The following CADPS2 variants were observed in gnomAD, a reference collection of about 807,000 sequenced individuals.
CADPS2 encodes calcium-dependent secretion activator 2.
CADPS2 carries 93 observed loss-of-function variants against 172.5 expected under a neutral mutation model. That is an observed-to-expected ratio of 0.54 (90% CI 0.46 to 0.64). The LOEUF (loss-of-function observed/expected upper bound fraction) is 0.64. Among genes scored for constraint, CADPS2 ranks in the 30% least tolerant of loss-of-function variants. The pLI is 0.00. For synonymous variants in CADPS2, 546 were observed against 555.2 expected (o/e 0.98, Z 0.23); for missense variants, 1,420 against 1,565.9 (o/e 0.91, Z 1.57).
At chr7:122,857,667 T>C (rs1480037533) in intron 1 of CADPS2, among the ~76,000 whole-genome samples, 1 of 152,206 alleles carries the variant, frequency 6.6e-6, no homozygotes, top group East Asian at 1.9e-4. Flanking sequence ...GCTCCCTTTA[T>C]AAAGCCGCTG....
intron 1 of CADPS2, among the ~76,000 whole-genome samples, chr7:122,782,511 T>C (rs1259969170): frequency 6.6e-6 from 1 of 152,170 alleles, no homozygotes; most frequent in African/African-American, 2.4e-5. Context: ...CTCAGGATGC[T>C]AAGGTGGGAG....
chr7:122,471,313 T>G, intron 14 of CADPS2, 62 bp downstream of exon 14: 1 of 1,208,106 alleles, frequency 8.3e-7, no homozygotes, highest in Non-Finnish European at 1.1e-6. Context: ...GCAAAGCACA[T>G]TTTTCTCTCT....
chr7:122,581,659 C>T (rs1381484827), intron 6 of CADPS2, among the ~76,000 whole-genome samples: 2 of 152,002 alleles, frequency 1.3e-5, no homozygotes, highest in South Asian at 2.1e-4. Context: ...GGTTTGTTTA[C>T]GTAAGAGAGA....
chr7:122,748,717 T>C (rs2092823765), intron 1 of CADPS2, among the ~76,000 whole-genome samples: 1 of 152,162 alleles, frequency 6.6e-6, no homozygotes, highest in South Asian at 2.1e-4. Flanking sequence ...CAAGGGACTT[T>C]CAGCTCATCA....
intron 1 of CADPS2, among the ~76,000 whole-genome samples, chr7:122,773,527 T>A (rs1472142246): frequency 1.3e-5 from 2 of 152,042 alleles, no homozygotes; most frequent in Admixed American, 6.5e-5. Context: ...TTAAACACTA[T>A]GAAACAATGA....
chr7:122,470,750 C>T (rs368482034), intron 14 of CADPS2, among the ~76,000 whole-genome samples: 28 of 152,212 alleles, frequency 1.8e-4, no homozygotes, highest in African/African-American at 6.0e-4. Flanking sequence ...CCCTCCTTGG[C>T]CTCTCAAAGT....
At chr7:122,737,591 T>G (rs747326460) in intron 1 of CADPS2, among the ~76,000 whole-genome samples, 11 of 152,142 alleles carry the variant, frequency 7.2e-5, no homozygotes, top group Non-Finnish European at 1.0e-4. Flanking sequence ...TCCAAATTTC[T>G]ACCCCAAATT....
chr7:122,388,539 T>C (rs766544108), intron 23 of CADPS2, 44 bp downstream of exon 23: 1 of 1,523,138 alleles, frequency 6.6e-7, no homozygotes, highest in Admixed American at 2.0e-5. Flanking sequence ...GTGATATTTT[T>C]GGGTGCTGGC....
intron 3 of CADPS2, among the ~76,000 whole-genome samples, chr7:122,645,599 T>C (rs2078427668): frequency 7.4e-6 from 1 of 134,450 alleles, no homozygotes; most frequent in South Asian, 2.3e-4. Flanking sequence ...AGATTATATA[T>C]ATATATACAC....
At chr7:122,797,454 C>G (rs1179445258) in intron 1 of CADPS2, among the ~76,000 whole-genome samples, 3 of 152,126 alleles carry the variant, frequency 2.0e-5, no homozygotes, top group Non-Finnish European at 4.4e-5. Context: ...AACTAAATGT[C>G]CATCAATGGT....
intron 25 of CADPS2, among the ~76,000 whole-genome samples, chr7:122,375,042 A>G (rs1052474754): frequency 6.6e-6 from 1 of 152,196 alleles, no homozygotes; most frequent in East Asian, 1.9e-4. Flanking sequence ...TGAAGACATT[A>G]AAGCAGACAA....
chr7:122,693,686 T>C (rs978787506), intron 2 of CADPS2, among the ~76,000 whole-genome samples: 3 of 152,218 alleles, frequency 2.0e-5, no homozygotes, highest in African/African-American at 7.2e-5. Flanking sequence ...CTGGGCGTAG[T>C]GGCTCGTGCC....
chr7:122,741,025 A>G (rs1298074413), intron 1 of CADPS2, among the ~76,000 whole-genome samples: 1 of 152,198 alleles, frequency 6.6e-6, no homozygotes, highest in African/African-American at 2.4e-5. Flanking sequence ...GTGAGAAATG[A>G]CATGTGTAGA....
intron 28 of CADPS2, chr7:122,330,689 C>G (rs921363593): frequency 2.0e-5 from 3 of 152,150 alleles, no homozygotes; most frequent in African/African-American, 7.2e-5. Context: ...GTGTTTAACC[C>G]AACCTATGCC....
At chr7:122,547,150 C>T (rs2063711210) in intron 8 of CADPS2, among the ~76,000 whole-genome samples, 1 of 151,772 alleles carries the variant, frequency 6.6e-6, no homozygotes, top group Non-Finnish European at 1.5e-5. Flanking sequence ...CATATTAACC[C>T]TGGGGTATAC....
intron 2 of CADPS2, among the ~76,000 whole-genome samples, chr7:122,706,271 T>C (rs62640527): frequency 0.82 from 4,998 of 6,102 alleles, 2,179 homozygotes; most frequent in Non-Finnish European, 0.88. Context: ...TATATATATG[T>C]TTATATATTC....
intron 1 of CADPS2, among the ~76,000 whole-genome samples, chr7:122,812,406 T>A (rs1002697523): frequency 6.7e-6 from 1 of 149,658 alleles, no homozygotes; most frequent in South Asian, 2.1e-4. Flanking sequence ...AAAACACTTG[T>A]TTGGAAAAAA....
chr7:122,738,402 C>T (rs2092295846), intron 1 of CADPS2, among the ~76,000 whole-genome samples: 1 of 143,324 alleles, frequency 7.0e-6, no homozygotes, highest in Non-Finnish European at 1.5e-5. Flanking sequence ...AATGCAGAAG[C>T]TTTTTTTTTT....
At chr7:122,368,781 A>G (rs1162145124) in intron 25 of CADPS2, among the ~76,000 whole-genome samples, 2 of 152,178 alleles carry the variant, frequency 1.3e-5, no homozygotes, top group Non-Finnish European at 2.9e-5. Flanking sequence ...GAGTTTCTAG[A>G]GCCTGGAGAC....
Sources: allele counts gnomAD v4.1 joint callset (sites outside exome capture counted in the v4.1 genomes callset), GRCh38; gene constraint gnomAD v4.1.1; transcripts MANE v1.5; gene names NCBI Gene and HGNC (gene_info 2026-07-23, HGNC 2026-07-21).